The following MAP4 variants were observed in gnomAD, a reference collection of about 807,000 sequenced individuals.
MAP4 encodes the protein microtubule associated protein 4, also known as microtubule-associated protein 4.
In MAP4, 76 loss-of-function variants were observed where a neutral mutation model predicts 170.2. The ratio of observed to expected loss-of-function variants is 0.45; its 90% CI spans 0.37 to 0.54. The LOEUF is 0.54. MAP4 is among the 20% of genes least tolerant of loss of function. The probability of loss-of-function intolerance (pLI) is 0.00; values close to 1 mark genes in which losing one functional copy is unlikely to be tolerated. For synonymous variants in MAP4, 909 were observed against 994.5 expected (o/e 0.91, Z 1.62); for missense variants, 2,506 against 2,748.0 (o/e 0.91, Z 1.97).
chr3:48,007,662 A>C (rs1013077733), intron 1 of MAP4, among the ~76,000 whole-genome samples: 4 of 142,446 alleles, frequency 2.8e-5, no homozygotes, highest in African/African-American at 1.1e-4. Context: ...CATCTTCTAC[A>C]GATAACTACT....
intron 1 of MAP4, among the ~76,000 whole-genome samples, chr3:48,025,321 C>T (rs994999140): frequency 2.8e-5 from 4 of 144,070 alleles, no homozygotes; most frequent in Non-Finnish European, 4.5e-5. Flanking sequence ...GAGACAGAGT[C>T]TCTGTCATGC....
intron 10 of MAP4, chr3:47,891,799 G>C: frequency 1.3e-6 from 2 of 1,536,384 alleles, no homozygotes; most frequent in South Asian, 1.2e-5. Flanking sequence ...CCAGGAGTGG[G>C]GACTCACACT....
intron 1 of MAP4, among the ~76,000 whole-genome samples, chr3:48,012,188 TAA>T (rs1015475211): frequency 6.6e-6 from 1 of 152,148 alleles, no homozygotes; most frequent in Non-Finnish European, 1.5e-5. Flanking sequence ...TCTGAACCAA[TAA>T]AGAGCCCCAG....
chr3:48,071,243 T>A (rs2100140871), intron 1 of MAP4, among the ~76,000 whole-genome samples: 1 of 151,916 alleles, frequency 6.6e-6, no homozygotes, highest in African/African-American at 2.4e-5. Flanking sequence ...TTGAGTTTAC[T>A]CAAGAAGAAA....
At chr3:47,879,195 T>C (rs1042015274) in intron 10 of MAP4, among the ~76,000 whole-genome samples, 1 of 151,506 alleles carries the variant, frequency 6.6e-6, no homozygotes, top group Non-Finnish European at 1.5e-5. Flanking sequence ...AAATAAAGCA[T>C]GGAGAAATTC....
intron 10 of MAP4, among the ~76,000 whole-genome samples, chr3:47,901,720 T>G (rs2100030112): frequency 6.6e-6 from 1 of 151,846 alleles, no homozygotes; most frequent in Admixed American, 6.6e-5. Flanking sequence ...CCTCCATATC[T>G]TAAAGAAATA....
At chr3:47,987,677 A>T (rs1473888062) in intron 2 of MAP4, among the ~76,000 whole-genome samples, 1 of 151,686 alleles carries the variant, frequency 6.6e-6, no homozygotes, top group Non-Finnish European at 1.5e-5. Flanking sequence ...TTCAAATCCT[A>T]CTCCTTCTGT....
rs1165856644 is a variant in MAP4, at chr3:47,909,550, T to C, written c.4871A>G (p.Asp1624Gly). ...CTTTTGTGCTTTGTCTTCCAGTAAG[T>C]CAGGAATCTGAACTGCAACAGACCC... ...KEGSVAVQIP[D>G]LLEDKAQKLS... The change falls in exon 9 of 21, where the codon GAC becomes GGC. Residue 1624 changes from aspartate to glycine, a missense_variant. Asp to Gly is a moderately conservative substitution (Grantham distance 94). Around this residue, in one of 3 missense-constraint regions of MAP4, gnomAD observed 2,008 missense variants for 2,206.0 expected, o/e 0.91. Coordinates refer to ENST00000683076, the MANE Select transcript of MAP4 (RefSeq NM_001385682.1). 6.2e-7 allele frequency: 1 copy of C among 1,612,632 alleles called. No individual in the cohort carries two copies.
chr3:47,966,228 C>CTTTTTTTTTTTT (rs757460367), intron 3 of MAP4, among the ~76,000 whole-genome samples: 4 of 50,262 alleles, frequency 8.0e-5, no homozygotes, highest in African/African-American at 1.5e-4. Context: ...CCCACACTAC[C>CTTTTTTTTTTTT]TTTTTTTTTT....
At chr3:47,961,179 G>A (rs965985691) in intron 3 of MAP4, 1 of 152,442 alleles carries the variant, frequency 6.6e-6, no homozygotes, top group African/African-American at 2.4e-5. Flanking sequence ...TTGGCCCTCT[G>A]AAGCTGGAAC....
intron 15 of MAP4, among the ~76,000 whole-genome samples, chr3:47,869,879 C>G (rs755384842): frequency 6.6e-6 from 1 of 152,154 alleles, no homozygotes; most frequent in Non-Finnish European, 1.5e-5. Context: ...ATCAGCAGCA[C>G]AGCCCAGAGG....
chr3:47,930,414 C>T lies in MAP4; in HGVS notation c.293-2064G>A, dbSNP rs534445418. On this transcript the variant is annotated intron_variant, in intron 3 of 20. Coordinates refer to ENST00000683076, the MANE Select transcript of MAP4 (RefSeq NM_001385682.1). ...GAGCCGAGATTGCGCCACTGCAGTC[C>T]GCAGTCCGGCCTGGGCGACAGAGCG... Among the ~76,000 whole-genome samples, 59 of 149,228 alleles carry T rather than the reference C, an allele frequency of 4.0e-4. 1 individual carries two copies. The East Asian group carries it at 6.0e-3, about 15-fold the overall frequency.
chr3:47,868,543 C>T (rs556078893), intron 16 of MAP4, among the ~76,000 whole-genome samples: 17 of 152,130 alleles, frequency 1.1e-4, no homozygotes, highest in Non-Finnish European at 2.2e-4. Context: ...CTGGCAGAGG[C>T]ACACCTACCT....
chr3:47,907,652 G>A (rs918770226), intron 9 of MAP4, among the ~76,000 whole-genome samples: 1 of 152,046 alleles, frequency 6.6e-6, no homozygotes, highest in Non-Finnish European at 1.5e-5. Context: ...GCATTTCTTT[G>A]GAAATACTGA....
intron 3 of MAP4, among the ~76,000 whole-genome samples, chr3:47,961,320 A>G (rs757160029): frequency 6.6e-6 from 1 of 152,200 alleles, no homozygotes; most frequent in Non-Finnish European, 1.5e-5. Flanking sequence ...TGGGCAACAC[A>G]GCAAAACCCT....
At chr3:47,865,166 A>T (rs916925498) in intron 17 of MAP4, among the ~76,000 whole-genome samples, 22 of 152,230 alleles carry the variant, frequency 1.4e-4, no homozygotes, top group African/African-American at 5.3e-4. Flanking sequence ...GGTCATGTGT[A>T]GGCAGTGTGG....
chr3:47,897,355 G>GA (rs2100027432), intron 10 of MAP4, among the ~76,000 whole-genome samples: 1 of 152,078 alleles, frequency 6.6e-6, no homozygotes, highest in Non-Finnish European at 1.5e-5. Flanking sequence ...TTGAACTTCT[G>GA]ACCTCAGGTG....
chr3:48,066,263 A>G (rs1251015514), intron 1 of MAP4, among the ~76,000 whole-genome samples: 3 of 152,224 alleles, frequency 2.0e-5, no homozygotes, highest in East Asian at 1.9e-4. Context: ...CTGTTTTAAC[A>G]TAAGTTAAAC....
intron 2 of MAP4, among the ~76,000 whole-genome samples, chr3:47,986,349 T>C (rs2100088676): frequency 6.6e-6 from 1 of 152,056 alleles, no homozygotes; most frequent in Non-Finnish European, 1.5e-5. Context: ...GGGGTTTTTT[T>C]GTATTTTTTT....
Sources: allele counts gnomAD v4.1 joint callset (sites outside exome capture counted in the v4.1 genomes callset), GRCh38; gene constraint gnomAD v4.1.1; regional missense constraint gnomAD v4.1.1; transcripts MANE v1.5; gene names NCBI Gene and HGNC (gene_info 2026-07-23, HGNC 2026-07-21).